The following MUSK variants were observed in gnomAD, a reference collection of about 807,000 sequenced individuals.
MUSK encodes the protein muscle, skeletal receptor tyrosine-protein kinase.
Under a neutral mutation model 88.7 loss-of-function variants are expected in MUSK, and 55 were observed. The observed-to-expected ratio is 0.62, with a 90% CI of 0.50 to 0.78. The LOEUF is 0.78. Ranked by LOEUF, MUSK falls within the 30% of genes least tolerant of loss-of-function variation. MUSK has a pLI of 0.00. For missense variants in MUSK, 1,015 were observed against 1,074.3 expected (o/e 0.94, Z 0.77); for synonymous variants, 387 against 391.9 (o/e 0.99, Z 0.15).
At chr9:110,799,948 A>G (rs920458624) in intron 14 of MUSK, among the ~76,000 whole-genome samples, 2 of 152,146 alleles carry the variant, frequency 1.3e-5, no homozygotes, top group Admixed American at 1.3e-4. Context: ...GGGCCTCCAG[A>G]TTTCAGAGAG....
In MUSK at chr9:110,785,626, C is replaced by A; in HGVS notation, c.1686C>A (p.Asn562Lys). 6.2e-7 allele frequency: 1 copy of A among 1,613,240 alleles called. No homozygotes were observed. The highest frequency in any genetic ancestry group is 8.5e-7 in the Non-Finnish European group (1 of 1,179,582). Residue 562 changes from asparagine to lysine, a missense_variant, in exon 13 of 15, where the codon AAC (asparagine) becomes AAA (lysine). Coordinates refer to ENST00000374448, the MANE Select transcript of MUSK (RefSeq NM_005592.4). ...PMYQRMPLLL[N>K]PKLLSLEYPR... is the part of the protein sequence containing the mutation. ...ACCAGAGGATGCCGCTCCTTCTGAA[C>A]CCCAAATTGCTCAGCCTGGAGTATC...
chr9:110,769,256 C>A (rs2077530625), intron 9 of MUSK, among the ~76,000 whole-genome samples: 1 of 152,288 alleles, frequency 6.6e-6, no homozygotes, highest in Non-Finnish European at 1.5e-5. Context: ...TTTGAGGACA[C>A]TCTCTATTTA....
intron 7 of MUSK, among the ~76,000 whole-genome samples, chr9:110,749,827 T>A (rs2077225364): frequency 6.6e-6 from 1 of 152,114 alleles, no homozygotes; most frequent in Non-Finnish European, 1.5e-5. Context: ...CAGATGTGTC[T>A]GATTTTGAAA....
chr9:110,757,649 C>CAA lies in MUSK; in HGVS notation c.914-4543_914-4542dup, dbSNP rs199661999. ...TTGCATTATTCTTTAGCCAATTTGTCAAAAAAAAAAAGTCTTTTTCTTTAC... is the reference window on the plus strand; with the variant it reads ...TTGCATTATTCTTTAGCCAATTTGTCAAAAAAAAAAAAAGTCTTTTTCTTTAC... On this transcript the variant is annotated intron_variant, in intron 7 of 14. Coordinates refer to ENST00000374448, the MANE Select transcript of MUSK (RefSeq NM_005592.4). Among the ~76,000 whole-genome samples, 599 of 145,778 alleles carry CAA rather than the reference C, an allele frequency of 4.1e-3. 1 individual carries two copies. The highest frequency in any genetic ancestry group is 0.011 in the African/African-American group (444 of 39,824).
chr9:110,778,863 G>C (rs1422421227), intron 11 of MUSK, among the ~76,000 whole-genome samples: 1 of 151,926 alleles, frequency 6.6e-6, no homozygotes, highest in Non-Finnish European at 1.5e-5. Context: ...TTTCACATTT[G>C]TTATAATTGA....
rs759077822 is a variant in MUSK, at chr9:110,785,538, C to T, written c.1598C>T (p.Ala533Val). ...TGTCTTGCCTGCAGAGAATCAGCAG[C>T]AGTAACCCTCACCACACTGCCTTCT... Reference protein sequence around the residue: ...QWKNKKRESAAVTLTTLPSEL... With the variant: ...QWKNKKRESAVVTLTTLPSEL... The change falls in exon 13 of 15, where the codon GCA becomes GTA. Residue 533 changes from alanine (A) to valine (V), a missense_variant. Physicochemically the swap from Ala to Val is moderately conservative, Grantham distance 64. Coordinates refer to ENST00000374448, the MANE Select transcript of MUSK (RefSeq NM_005592.4). The T allele has an allele frequency of 1.2e-6, 2 of 1,608,094 alleles. No homozygotes were observed. Among genetic ancestry groups the T allele is most frequent in the Non-Finnish European group, 1.7e-6 (2 of 1,176,592 alleles).
At chr9:110,728,306 ACT>A (rs2076915238) in intron 5 of MUSK, 4 of 192,014 alleles carry the variant, frequency 2.1e-5, no homozygotes, top group Admixed American at 5.9e-5. Context: ...GTAAGAGGAG[ACT>A]CTAAGCTACA....
chr9:110,764,487 C>A (rs2131941098), intron 8 of MUSK, among the ~76,000 whole-genome samples: 1 of 152,086 alleles, frequency 6.6e-6, no homozygotes, highest in African/African-American at 2.4e-5. Flanking sequence ...AAATTGAAGG[C>A]TTATATTTCT....
At chr9:110,677,415 C>T (rs558356301) in intron 1 of MUSK, among the ~76,000 whole-genome samples, 7 of 152,192 alleles carry the variant, frequency 4.6e-5, no homozygotes, top group Non-Finnish European at 7.3e-5. Flanking sequence ...CTTAACGTCT[C>T]GGCAGCATTT....
intron 5 of MUSK, among the ~76,000 whole-genome samples, chr9:110,701,719 AT>A (rs1188770296): frequency 0.096 from 5 of 52 alleles, 1 homozygote; most frequent in East Asian, 0.25. Flanking sequence ...ATTTTATTTT[AT>A]TTTATTTTAT....
At chr9:110,713,347 C>T (rs1429036233) in intron 5 of MUSK, among the ~76,000 whole-genome samples, 1 of 151,674 alleles carries the variant, frequency 6.6e-6, no homozygotes, top group Non-Finnish European at 1.5e-5. Context: ...GCAACCTCCG[C>T]CTCCCAGGTT....
intron 10 of MUSK, among the ~76,000 whole-genome samples, chr9:110,776,346 A>G (rs2077671213): frequency 6.6e-6 from 1 of 152,236 alleles, no homozygotes; most frequent in Non-Finnish European, 1.5e-5. Context: ...CCAAGAAAGC[A>G]TGCTAAAATA....
chr9:110,779,056 C>CTG (rs1280446736), intron 11 of MUSK, among the ~76,000 whole-genome samples: 11 of 103,486 alleles, frequency 1.1e-4, no homozygotes, highest in African/African-American at 1.8e-4. Flanking sequence ...GCGTCAGTGT[C>CTG]TCTGTGTGTG....
chr9:110,745,684 A>G (rs560320430), intron 6 of MUSK, among the ~76,000 whole-genome samples: 1 of 152,216 alleles, frequency 6.6e-6, no homozygotes, highest in African/African-American at 2.4e-5. Flanking sequence ...AACTGAGTGC[A>G]TGTCTCTTAA....
At position 110,787,708 on chromosome 9, in the gene MUSK, C is replaced by G. The variant is rs920861128; in HGVS notation, c.1797C>G (p.Pro599=). ...VFQARAPGLL[P]YEPFTMVAVK... ...CTCTCAGGGCACCAGGCTTACTTCC[C>G]TATGAACCTTTCACTATGGTGGCAG... is the stretch of plus-strand genomic sequence containing the variant. The change falls in exon 14 of 15, where the codon CCC becomes CCG. Residue 599 remains proline (P), a synonymous_variant. Coordinates refer to ENST00000374448, the MANE Select transcript of MUSK (RefSeq NM_005592.4). 1 of 1,613,782 alleles carries G rather than the reference C, an allele frequency of 6.2e-7. No homozygotes were observed. Among genetic ancestry groups the G allele is most frequent in the Non-Finnish European group, 8.5e-7 (1 of 1,179,864 alleles).
intron 7 of MUSK, 109 bp from the exon 8 acceptor site, chr9:110,762,086 TAGAGATC>T (rs1222763594): frequency 9.5e-7 from 1 of 1,055,664 alleles, no homozygotes; most frequent in Admixed American, 3.4e-5. Flanking sequence ...TTCAGAAACT[TAGAGATC>T]AGTAGTATCA....
intron 6 of MUSK, among the ~76,000 whole-genome samples, chr9:110,737,730 C>T (rs995930780): frequency 6.6e-6 from 1 of 152,130 alleles, no homozygotes; most frequent in African/African-American, 2.4e-5. Context: ...CTGCTTCTCT[C>T]TTCTCCACAT....
chr9:110,727,035 A>T (rs2076894830), intron 5 of MUSK, among the ~76,000 whole-genome samples: 1 of 152,122 alleles, frequency 6.6e-6, no homozygotes, highest in Admixed American at 6.6e-5. Context: ...TTGTAAAAAA[A>T]AGATTTCTTC....
chr9:110,784,833 C>A lies in MUSK; in HGVS notation c.1403C>A (p.Ser468Tyr). Residue 468 changes from serine (S) to tyrosine (Y), a missense_variant, in exon 12 of 15, where the codon TCC becomes TAC. Coordinates refer to ENST00000374448, the MANE Select transcript of MUSK (RefSeq NM_005592.4). ...CTTACAGCATTCCCACCAATGACGTCCTCAAAGCCAAGTGTGGACATTCCA... is the reference window on the plus strand; with the variant it reads ...CTTACAGCATTCCCACCAATGACGTACTCAAAGCCAAGTGTGGACATTCCA... ...ENLKTFPPMTSSKPSVDIPNL... is the reference protein window; with the variant it reads ...ENLKTFPPMTYSKPSVDIPNL... 6.2e-7 allele frequency: 1 copy of A among 1,612,722 alleles called. No individual in the cohort carries two copies. Among genetic ancestry groups the A allele is most frequent in the South Asian group, 1.1e-5 (1 of 90,724 alleles).
Sources: allele counts gnomAD v4.1 joint callset (sites outside exome capture counted in the v4.1 genomes callset), GRCh38; gene constraint gnomAD v4.1.1; transcripts MANE v1.5; gene names NCBI Gene and HGNC (gene_info 2026-07-23, HGNC 2026-07-21).